Variants in KAZN observed in about 807,000 individuals in gnomAD.
KAZN encodes the protein kazrin, periplakin interacting protein.
KAZN carries 40 observed loss-of-function variants against 87.4 expected under a neutral mutation model. The observed-to-expected ratio is 0.46, with a 90% CI of 0.36 to 0.60. KAZN has a LOEUF of 0.60. Ranked by LOEUF, KAZN falls within the 20% of genes least tolerant of loss-of-function variation. The pLI is 0.00. For missense variants in KAZN, 898 were observed against 1,073.9 expected (o/e 0.84, Z 2.29); for synonymous variants, 466 against 458.3 (o/e 1.02, Z -0.22).
At chr1:14,861,322 C>T (rs10754871) in intron 1 of KAZN, among the ~76,000 whole-genome samples, 68,325 of 152,010 alleles carry the variant, frequency 0.45, 17,768 homozygotes, top group African/African-American at 0.72. Context: ...GAGGTTGCAG[C>T]GAGCCAAGAT....
chr1:14,999,929 C>T (rs112062115), intron 2 of KAZN, among the ~76,000 whole-genome samples: 1 of 152,274 alleles, frequency 6.6e-6, no homozygotes, highest in East Asian at 1.9e-4. Context: ...GTGGGCACAA[C>T]AGTGTCAGCC....
intron 5 of KAZN, among the ~76,000 whole-genome samples, chr1:15,059,410 A>G (rs1361364223): frequency 6.6e-6 from 1 of 152,218 alleles, no homozygotes; most frequent in Non-Finnish European, 1.5e-5. Flanking sequence ...CAGAAGGCTG[A>G]TGTGGCTCTA....
chr1:14,515,233 C>T (rs963509122), intron 2 of KAZN, among the ~76,000 whole-genome samples: 4 of 152,100 alleles, frequency 2.6e-5, no homozygotes, highest in Non-Finnish European at 4.4e-5. Flanking sequence ...TCCTTAAAGC[C>T]CCCGACACAC....
At chr1:14,572,334 G>T (rs564580020) in intron 2 of KAZN, among the ~76,000 whole-genome samples, 12 of 152,170 alleles carry the variant, frequency 7.9e-5, no homozygotes, top group Non-Finnish European at 1.5e-4. Flanking sequence ...AGACTAAGGG[G>T]CCTCAGGAGG....
intron 2 of KAZN, among the ~76,000 whole-genome samples, chr1:14,522,836 A>C (rs1023983891): frequency 2.0e-5 from 3 of 152,118 alleles, no homozygotes; most frequent in Non-Finnish European, 2.9e-5. Context: ...AGATCTTTGT[A>C]TTTTCTTCCA....
intron 2 of KAZN, among the ~76,000 whole-genome samples, chr1:14,514,105 T>C (rs1671070650): frequency 6.7e-6 from 1 of 148,740 alleles, no homozygotes; most frequent in Admixed American, 6.8e-5. Flanking sequence ...TGGATCACGA[T>C]GTCAGGAGAT....
intron 1 of KAZN, among the ~76,000 whole-genome samples, chr1:14,728,880 C>T (rs971042470): frequency 4.6e-5 from 7 of 152,262 alleles, no homozygotes; most frequent in Non-Finnish European, 8.8e-5. Flanking sequence ...ATTAGATGAG[C>T]GAGCATGTGA....
At chr1:14,945,857 C>G (rs1384390392) in intron 1 of KAZN, 1 of 985,220 alleles carries the variant, frequency 1.0e-6, no homozygotes, top group Non-Finnish European at 1.2e-6. Flanking sequence ...CTTGGGCAGC[C>G]TGAGCCCAAG....
chr1:13,978,587 A>T (rs10927978), intron 1 of KAZN, among the ~76,000 whole-genome samples: 7,303 of 151,946 alleles, frequency 0.048, 576 homozygotes, highest in African/African-American at 0.17. Flanking sequence ...TAGATTAGAC[A>T]CAGTAAATAT....
intron 2 of KAZN, among the ~76,000 whole-genome samples, chr1:14,237,406 C>T (rs1382173193): frequency 6.6e-6 from 1 of 152,158 alleles, no homozygotes; most frequent in Non-Finnish European, 1.5e-5. Flanking sequence ...CAGACCTTGG[C>T]TTTCAATCAT....
chr1:14,345,424 A>G (rs1357202408), intron 2 of KAZN, among the ~76,000 whole-genome samples: 6 of 152,256 alleles, frequency 3.9e-5, no homozygotes, highest in African/African-American at 1.4e-4. Context: ...CAGTAGCCAC[A>G]TCAAAAAGGA....
At chr1:14,257,463 T>C (rs2100638448) in intron 2 of KAZN, among the ~76,000 whole-genome samples, 1 of 147,282 alleles carries the variant, frequency 6.8e-6, no homozygotes, top group South Asian at 2.2e-4. Context: ...GTGCAGAAGC[T>C]CTTTAGTTTA....
At chr1:15,110,904 T>C (rs887023975) in intron 13 of KAZN, among the ~76,000 whole-genome samples, 5 of 152,252 alleles carry the variant, frequency 3.3e-5, no homozygotes, top group African/African-American at 1.2e-4. Context: ...TGACTGCTAG[T>C]GTTCCAAGAG....
chr1:14,809,648 A>T (rs985023003), intron 1 of KAZN, among the ~76,000 whole-genome samples: 3 of 152,226 alleles, frequency 2.0e-5, no homozygotes, highest in Non-Finnish European at 2.9e-5. Flanking sequence ...TTGATTTTTT[A>T]AAAATTTCTG....
At chr1:14,262,147 C>A (rs1651075303) in intron 2 of KAZN, among the ~76,000 whole-genome samples, 1 of 152,110 alleles carries the variant, frequency 6.6e-6, no homozygotes, top group Non-Finnish European at 1.5e-5. Flanking sequence ...GGTATGATGA[C>A]TCACCCCTGT....
intron 1 of KAZN, among the ~76,000 whole-genome samples, chr1:14,010,840 A>G (rs896158913): frequency 6.6e-6 from 1 of 152,232 alleles, no homozygotes; most frequent in African/African-American, 2.4e-5. Flanking sequence ...GTTAAGTGTC[A>G]TGTGGCCAGA....
Position 14,073,866 on chromosome 1 carries a change from G to T in KAZN, c.92-106569G>T, listed in dbSNP as rs376314304. Among the ~76,000 whole-genome samples the T allele has an allele frequency of 7.2e-5, 11 of 152,278 alleles. No individual in the cohort carries two copies. The South Asian group carries it at 1.0e-3, about 14-fold the overall frequency. Reference sequence around the variant, plus strand: ...ACAGTGCCGCAATAAACATACATGTGTATGTGTCTTTATAGTGGAATGATT... The same window carrying T: ...ACAGTGCCGCAATAAACATACATGTTTATGTGTCTTTATAGTGGAATGATT... On this transcript the variant is annotated intron_variant, in intron 1 of 16. Transcript: ENST00000636203.
intron 1 of KAZN, among the ~76,000 whole-genome samples, chr1:14,868,791 C>T (rs1651818823): frequency 6.6e-6 from 1 of 151,960 alleles, no homozygotes; most frequent in African/African-American, 2.4e-5. Context: ...CTGCAGTGAG[C>T]TATGATCATG....
chr1:14,693,985 G>A (rs560163697), intron 1 of KAZN, among the ~76,000 whole-genome samples: 5 of 152,306 alleles, frequency 3.3e-5, no homozygotes, highest in East Asian at 1.9e-4. Context: ...ATTTTAACTC[G>A]AGGCAGTGGT....
Sources: allele counts gnomAD v4.1 joint callset (sites outside exome capture counted in the v4.1 genomes callset), GRCh38; gene constraint gnomAD v4.1.1; transcripts MANE v1.5; gene names NCBI Gene and HGNC (gene_info 2026-07-23, HGNC 2026-07-21).